Variants in ELAVL2 observed in about 807,000 individuals in gnomAD.
ELAVL2 encodes the protein ELAV like RNA binding protein 2, also known as ELAV-like protein 2.
Under a neutral mutation model 34.6 loss-of-function variants are expected in ELAVL2, and 4 were observed. That is an observed-to-expected ratio of 0.12 (90% CI 0.06 to 0.26). The LOEUF is 0.26. Ranked by LOEUF, ELAVL2 falls within the 10% of genes least tolerant of loss-of-function variation. The pLI is 1.00. For missense variants in ELAVL2, 432 were observed against 442.8 expected (o/e 0.98, Z 0.22); for synonymous variants, 193 against 154.8 (o/e 1.25, Z -1.83).
chr9:23,754,196 T>C (rs1206445338), intron 2 of ELAVL2, among the ~76,000 whole-genome samples: 1 of 152,120 alleles, frequency 6.6e-6, no homozygotes, highest in Non-Finnish European at 1.5e-5. Context: ...CAAATATCAA[T>C]ATCAGGAAAT....
At chr9:23,785,362 C>A (rs1008361163) in intron 1 of ELAVL2, among the ~76,000 whole-genome samples, 2 of 152,090 alleles carry the variant, frequency 1.3e-5, no homozygotes, top group Non-Finnish European at 2.9e-5. Flanking sequence ...CAAGTAAGAG[C>A]CCACACATAG....
intron 2 of ELAVL2, among the ~76,000 whole-genome samples, chr9:23,733,570 C>T (rs1219434007): frequency 9.2e-5 from 14 of 152,180 alleles, no homozygotes; most frequent in Admixed American, 9.2e-4. Flanking sequence ...GGATGTGTTT[C>T]TTCTAAAATC....
intron 1 of ELAVL2, chr9:23,779,299 C>G (rs2058710690): frequency 2.0e-6 from 2 of 985,454 alleles, no homozygotes; most frequent in Non-Finnish European, 2.4e-6. Flanking sequence ...CTGCTTCACA[C>G]TGGCAAAGTG....
intron 2 of ELAVL2, among the ~76,000 whole-genome samples, chr9:23,738,301 T>A (rs1284482890): frequency 6.6e-6 from 1 of 152,252 alleles, no homozygotes; most frequent in Non-Finnish European, 1.5e-5. Context: ...TTTCTCCACA[T>A]TTTAATTCCT....
chr9:23,774,483 G>A (rs1031017951), intron 1 of ELAVL2, among the ~76,000 whole-genome samples: 1 of 152,070 alleles, frequency 6.6e-6, no homozygotes, highest in Non-Finnish European at 1.5e-5. Context: ...AGTCACAAAC[G>A]GTGACTAAGG....
rs74790043 is a variant in ELAVL2 at position 23,753,986 on chromosome 9, G to A, written c.229+8020C>T. Reference sequence around the variant, plus strand: ...CCTAATCTACTGGTAAGGCAAATACGGCTATTCTAAAAGTTCCTCTGATAA... The same window carrying A: ...CCTAATCTACTGGTAAGGCAAATACAGCTATTCTAAAAGTTCCTCTGATAA... On this transcript the variant is annotated intron_variant, in intron 2 of 6. Coordinates refer to ENST00000397312, the MANE Select transcript of ELAVL2 (RefSeq NM_004432.5). Among the ~76,000 whole-genome samples the A allele has an allele frequency of 3.8e-3, 585 of 152,122 alleles. 17 individuals are homozygous for A. The East Asian group carries it at 0.066, about 17-fold the overall frequency.
chr9:23,790,187 T>C (rs1344654138), intron 1 of ELAVL2, among the ~76,000 whole-genome samples: 2 of 151,984 alleles, frequency 1.3e-5, no homozygotes, highest in African/African-American at 4.8e-5. Flanking sequence ...ACAAAACAGA[T>C]GTAACAGGTG....
At chr9:23,735,238 TGTG>T (rs943520320) in intron 2 of ELAVL2, 91 of 151,856 alleles carry the variant, frequency 6.0e-4, no homozygotes, top group African/African-American at 2.0e-3. Flanking sequence ...AGAAGCTACC[TGTG>T]GTCAAGTGTT....
At chr9:23,800,771 T>C (rs942891331) in intron 1 of ELAVL2, among the ~76,000 whole-genome samples, 3 of 152,178 alleles carry the variant, frequency 2.0e-5, no homozygotes, top group African/African-American at 7.2e-5. Context: ...GGAAAACAGA[T>C]GACGTATGAA....
chr9:23,845,048 G>A, the ELAVL2 span, among the ~76,000 whole-genome samples: 1 of 151,680 alleles, frequency 6.6e-6, no homozygotes, highest in Non-Finnish European at 1.5e-5. Flanking sequence ...AAACAATAAT[G>A]GAGAGGTAAA....
chr9:23,745,697 T>C (rs762092809), intron 2 of ELAVL2, among the ~76,000 whole-genome samples: 3 of 152,174 alleles, frequency 2.0e-5, no homozygotes, highest in Non-Finnish European at 4.4e-5. Flanking sequence ...TGTCCCTACA[T>C]GGCTGGAAAC....
intron 3 of ELAVL2, among the ~76,000 whole-genome samples, chr9:23,720,509 G>A (rs192018357): frequency 1.3e-5 from 2 of 152,230 alleles, no homozygotes; most frequent in African/African-American, 4.8e-5. Context: ...GAACCATACT[G>A]AAAATTCTCC....
At chr9:23,829,657 A>G (rs1429735827), upstream of ELAVL2, 1 of 152,152 alleles carries the variant, frequency 6.6e-6, no homozygotes, top group Non-Finnish European at 1.5e-5. Context: ...TCTTTTATTT[A>G]TTCTTCCTAA....
At chr9:23,785,981 C>T (rs2195732) in intron 1 of ELAVL2, among the ~76,000 whole-genome samples, 14,509 of 152,216 alleles carry the variant, frequency 0.095, 964 homozygotes, top group Admixed American at 0.18. Flanking sequence ...TAGTGATCTA[C>T]TGCAAGAACA....
intron 3 of ELAVL2, among the ~76,000 whole-genome samples, chr9:23,724,475 T>C (rs1212435765): frequency 6.6e-6 from 1 of 152,220 alleles, no homozygotes; most frequent in African/African-American, 2.4e-5. Context: ...TTGGGCTACC[T>C]ACCCACATTC....
intron 1 of ELAVL2, chr9:23,821,287 C>CA (rs2064654399): frequency 6.6e-6 from 1 of 152,438 alleles, no homozygotes; most frequent in Non-Finnish European, 1.5e-5. Context: ...CGTCCACGCC[C>CA]GTGCACGCTG....
chr9:23,746,584 T>C (rs2050540896), intron 2 of ELAVL2, among the ~76,000 whole-genome samples: 1 of 152,066 alleles, frequency 6.6e-6, no homozygotes, highest in South Asian at 2.1e-4. Context: ...CCCTAGGTCC[T>C]GAGATAAAAT....
At position 23,704,931 on chromosome 9, in the gene ELAVL2, G is replaced by A. The variant is rs781736838; in HGVS notation, c.474C>T (p.Val158=). ...CTGTCTACTTACCAGTGACCTGGTC[G>A]ACAAGAATACGAGAAGTAATAATGC... ...YGRIITSRIL[V]DQVTGISRGV... The change falls in exon 4 of 7, where the codon GTC becomes GTT. Residue 158 remains valine, a synonymous_variant. Transcript: ENST00000397312. The A allele has an allele frequency of 2.5e-5, 40 of 1,613,912 alleles. No individual in the cohort carries two copies. Among genetic ancestry groups the A allele is most frequent in the Admixed American group, 3.3e-5 (2 of 59,986 alleles).
chr9:23,794,809 C>T (rs1172429475), intron 1 of ELAVL2, among the ~76,000 whole-genome samples: 1 of 152,138 alleles, frequency 6.6e-6, no homozygotes, highest in Non-Finnish European at 1.5e-5. Context: ...CAATGGAATA[C>T]AGATAAAATA....
Sources: gnomAD v4.1 joint callset for allele counts (sites outside exome capture counted in the v4.1 genomes callset) on GRCh38, gnomAD v4.1.1 for gene constraint, MANE v1.5 for transcripts, NCBI Gene and HGNC (gene_info 2026-07-23, HGNC 2026-07-21) for gene names.